Variants in DCLK1 observed in about 807,000 individuals in gnomAD.
The protein encoded by DCLK1 is doublecortin like kinase 1.
DCLK1 carries 16 observed loss-of-function variants against 86.2 expected under a neutral mutation model. The ratio of observed to expected loss-of-function variants is 0.19; its 90% CI spans 0.13 to 0.28. DCLK1 has a LOEUF of 0.28. Among genes scored for constraint, DCLK1 ranks in the 10% least tolerant of loss-of-function variants. DCLK1 has a pLI of 1.00. For missense variants in DCLK1, 590 were observed against 940.2 expected (o/e 0.63, Z 4.87); for synonymous variants, 369 against 370.5 (o/e 1.00, Z 0.05).
At chr13:35,947,522 A>T in intron 3 of DCLK1, 65 bp from the exon 4 acceptor site, 1 of 1,322,512 alleles carries the variant, frequency 7.6e-7, no homozygotes, top group Non-Finnish European at 1.1e-6. Flanking sequence ...ATGCAACCCC[A>T]CGAGCAGACA....
intron 3 of DCLK1, among the ~76,000 whole-genome samples, chr13:35,961,080 G>A (rs9565713): frequency 0.24 from 37,252 of 152,146 alleles, 5,026 homozygotes; most frequent in East Asian, 0.45. Context: ...GAGGTTTTGA[G>A]TATAGGCTCT....
chr13:35,887,741 T>A (rs1268815472), intron 4 of DCLK1, among the ~76,000 whole-genome samples: 1 of 150,874 alleles, frequency 6.6e-6, no homozygotes, highest in Non-Finnish European at 1.5e-5. Flanking sequence ...AAGGACAGAG[T>A]TATACCAATA....
At chr13:36,110,407 G>A (rs1390196660) in intron 3 of DCLK1, among the ~76,000 whole-genome samples, 1 of 152,094 alleles carries the variant, frequency 6.6e-6, no homozygotes, top group Admixed American at 6.6e-5. Flanking sequence ...TAGGGCAAGG[G>A]TTATAAGCCA....
chr13:35,997,140 A>G (rs1191796373), intron 3 of DCLK1, among the ~76,000 whole-genome samples: 1 of 152,216 alleles, frequency 6.6e-6, no homozygotes, highest in Non-Finnish European at 1.5e-5. Flanking sequence ...TTGAAATTAA[A>G]TCCAATATCA....
chr13:36,110,992 A>G (rs940583741), intron 3 of DCLK1, among the ~76,000 whole-genome samples: 33 of 151,568 alleles, frequency 2.2e-4, no homozygotes, highest in Non-Finnish European at 1.0e-4. Flanking sequence ...CACCACACCC[A>G]GGTAATTTTT....
At chr13:35,928,110 A>G (rs1009080858) in intron 4 of DCLK1, among the ~76,000 whole-genome samples, 2 of 152,206 alleles carry the variant, frequency 1.3e-5, no homozygotes, top group Non-Finnish European at 2.9e-5. Flanking sequence ...TGTTCTAGCA[A>G]ACTATTGAAT....
intron 3 of DCLK1, among the ~76,000 whole-genome samples, chr13:36,056,906 A>AAAAAT (rs4054844): frequency 0.025 from 3,276 of 129,902 alleles, 76 homozygotes; most frequent in Middle Eastern, 0.045. Flanking sequence ...AAAAAAAAAA[A>AAAAAT]ATATATATAT....
chr13:35,801,476 G>A (rs1202055518), intron 15 of DCLK1, among the ~76,000 whole-genome samples: 1 of 150,070 alleles, frequency 6.7e-6, no homozygotes, highest in Non-Finnish European at 1.5e-5. Context: ...TTTCTAGGAT[G>A]GTAAGTCTGT....
chr13:36,055,804 T>C (rs1002821561), intron 3 of DCLK1, among the ~76,000 whole-genome samples: 2 of 152,192 alleles, frequency 1.3e-5, no homozygotes, highest in African/African-American at 2.4e-5. Context: ...TGATTTATTA[T>C]AGGATTTTTA....
chr13:35,833,854 G>A (rs1869154345), intron 8 of DCLK1, among the ~76,000 whole-genome samples: 1 of 152,196 alleles, frequency 6.6e-6, no homozygotes. Flanking sequence ...TTCAGCAGGA[G>A]CCGAATACTA....
Position 36,125,881 on chromosome 13 carries a change from G to A in DCLK1, c.257C>T (p.Ala86Val). Reference protein sequence around the residue: ...ISPDRFRSFEALLADLTRTLS... With the variant: ...ISPDRFRSFEVLLADLTRTLS... ...AGTTCGGGTCAAATCAGCCAGCAGG[G>A]CCTCAAAAGATCGGAACCGGTCTGG... The change falls in exon 2 of 17, where the codon GCC becomes GTC. Residue 86 changes from alanine (A) to valine (V), a missense_variant. Physicochemically the swap from Ala to Val is moderately conservative, Grantham distance 64. This residue lies in a region of DCLK1 where 195 missense variants were observed against 365.1 expected (regional missense o/e 0.53). Coordinates refer to ENST00000360631, the MANE Select transcript of DCLK1 (RefSeq NM_001330071.2). 1 of 1,614,192 alleles carries A rather than the reference G, an allele frequency of 6.2e-7. No homozygotes were observed. Among genetic ancestry groups the A allele is most frequent in the Non-Finnish European group, 8.5e-7 (1 of 1,180,026 alleles).
chr13:35,839,584 A>G (rs1020139620), intron 6 of DCLK1, among the ~76,000 whole-genome samples: 2 of 152,314 alleles, frequency 1.3e-5, no homozygotes, highest in African/African-American at 4.8e-5. Context: ...TTTCTGACAG[A>G]AAACATTTCT....
At chr13:36,129,272 G>A (rs371671167) in intron 1 of DCLK1, among the ~76,000 whole-genome samples, 6 of 152,102 alleles carry the variant, frequency 3.9e-5, no homozygotes, top group African/African-American at 1.4e-4. Context: ...GGGCTTTTAG[G>A]ACCAAGAATT....
chr13:35,856,811 G>GTA (rs1169870773), intron 5 of DCLK1, among the ~76,000 whole-genome samples: 1 of 152,120 alleles, frequency 6.6e-6, no homozygotes, highest in African/African-American at 2.4e-5. Flanking sequence ...GCATCAGTAT[G>GTA]TATATATATT....
At chr13:35,805,034 T>A (rs2086997835) in intron 15 of DCLK1, among the ~76,000 whole-genome samples, 1 of 152,216 alleles carries the variant, frequency 6.6e-6, no homozygotes, top group South Asian at 2.1e-4. Flanking sequence ...CTTAGGTCAC[T>A]TGCACTTTGG....
At chr13:35,847,650 A>AGAAAGAAAGAAG in intron 6 of DCLK1, 1 of 946,652 alleles carries the variant, frequency 1.1e-6, no homozygotes, top group Non-Finnish European at 1.3e-6. Flanking sequence ...AAAGAAAGAA[A>AGAAAGAAAGAAG]GAAAGAAAAA....
intron 3 of DCLK1, among the ~76,000 whole-genome samples, chr13:36,057,954 T>G (rs1205785129): frequency 6.6e-6 from 1 of 152,098 alleles, no homozygotes; most frequent in African/African-American, 2.4e-5. Context: ...TGCTTATATA[T>G]TTTGGGGGGG....
chr13:35,946,278 A>T (rs1018168696), intron 4 of DCLK1, among the ~76,000 whole-genome samples: 5 of 152,204 alleles, frequency 3.3e-5, no homozygotes, highest in African/African-American at 1.2e-4. Flanking sequence ...TGCTGGGGTT[A>T]CAGGTGTGAG....
At chr13:35,882,122 C>T (rs1872948506) in intron 4 of DCLK1, among the ~76,000 whole-genome samples, 1 of 152,206 alleles carries the variant, frequency 6.6e-6, no homozygotes, top group Non-Finnish European at 1.5e-5. Flanking sequence ...TCTGGAGTCT[C>T]TCCAAAAGCT....
Sources: gnomAD v4.1 joint callset for allele counts (sites outside exome capture counted in the v4.1 genomes callset) on GRCh38, gnomAD v4.1.1 for gene constraint, gnomAD v4.1.1 regional missense constraint, MANE v1.5 for transcripts, NCBI Gene and HGNC (gene_info 2026-07-23, HGNC 2026-07-21) for gene names.